Variants in ME3 observed in about 807,000 individuals in gnomAD.
The protein encoded by ME3 is malic enzyme 3.
A neutral mutation model predicts 68.9 loss-of-function variants in ME3; 48 were observed. The ratio of observed to expected loss-of-function variants is 0.70; its 90% CI spans 0.55 to 0.89. ME3 has a LOEUF of 0.89. Among genes scored for constraint, ME3 ranks in the 40% least tolerant of loss-of-function variants. The pLI is 0.00. For synonymous variants in ME3, 320 were observed against 318.8 expected (o/e 1.00, Z -0.04); for missense variants, 675 against 797.4 (o/e 0.85, Z 1.85).
exon 12 of ME3, chr11:86,447,086 C>G: frequency 6.2e-7 from 1 of 1,614,186 alleles, no homozygotes; most frequent in Non-Finnish European, 8.5e-7. Context: ...GGTAGCACTT[C>G]TCAGCCGTGC....
chr11:86,538,965 T>A (rs1955866101), intron 4 of ME3, among the ~76,000 whole-genome samples: 1 of 152,060 alleles, frequency 6.6e-6, no homozygotes, highest in African/African-American at 2.4e-5. Flanking sequence ...TGACCAGAAT[T>A]AGGTCATATA....
At chr11:86,541,828 C>T (rs954067229) in intron 4 of ME3, among the ~76,000 whole-genome samples, 1 of 152,198 alleles carries the variant, frequency 6.6e-6, no homozygotes, top group Non-Finnish European at 1.5e-5. Flanking sequence ...CAAGTGGTTC[C>T]CTGACCCCCA....
intron 4 of ME3, among the ~76,000 whole-genome samples, chr11:86,542,023 G>T (rs1350213423): frequency 1.3e-5 from 2 of 152,188 alleles, no homozygotes; most frequent in Non-Finnish European, 2.9e-5. Flanking sequence ...GGTCTGGAGT[G>T]GACCTCCAGC....
downstream of ME3, among the ~76,000 whole-genome samples, chr11:86,439,782 T>G (rs1394364557): frequency 6.6e-6 from 1 of 152,252 alleles, no homozygotes; most frequent in East Asian, 1.9e-4. Context: ...ACTATTGTTT[T>G]TCTTTTCTAC....
intron 2 of ME3, among the ~76,000 whole-genome samples, chr11:86,602,021 G>C (rs1266837190): frequency 6.7e-6 from 1 of 148,820 alleles, no homozygotes; most frequent in Admixed American, 6.8e-5. Context: ...AAAACTGGAA[G>C]CATTCCCTTT....
intron 2 of ME3, among the ~76,000 whole-genome samples, chr11:86,625,205 C>T (rs890534232): frequency 6.6e-6 from 1 of 152,048 alleles, no homozygotes; most frequent in African/African-American, 2.4e-5. Context: ...CAGTAACTAT[C>T]GTTAACAAAG....
intron 2 of ME3, among the ~76,000 whole-genome samples, chr11:86,668,882 T>C (rs1218806056): frequency 3.3e-5 from 5 of 152,166 alleles, no homozygotes; most frequent in Admixed American, 1.3e-4. Context: ...GGTGGACGAA[T>C]CTCATTACCT....
chr11:86,559,894 C>T (rs936740416), intron 2 of ME3, 71 bp from the exon 3 acceptor site: 19 of 1,520,762 alleles, frequency 1.2e-5, no homozygotes, highest in Non-Finnish European at 1.4e-5. Context: ...GAAGGGGTCC[C>T]ACCCACAGAT....
At chr11:86,448,238 G>A in exon 11 of ME3, 1 of 1,614,042 alleles carries the variant, frequency 6.2e-7, no homozygotes, top group Non-Finnish European at 8.5e-7. Flanking sequence ...CCTTTTCATG[G>A]TTCAGGTGGC....
chr11:86,479,845 C>G (rs1470640264), intron 7 of ME3, among the ~76,000 whole-genome samples: 1 of 147,922 alleles, frequency 6.8e-6, no homozygotes, highest in East Asian at 2.0e-4. Flanking sequence ...GATGGAATCT[C>G]ACTCTGTCGC....
intron 2 of ME3, among the ~76,000 whole-genome samples, chr11:86,670,077 G>T (rs933394155): frequency 6.6e-6 from 1 of 152,134 alleles, no homozygotes; most frequent in African/African-American, 2.4e-5. Context: ...TTAACTCCAG[G>T]GGTGGGCTCT....
chr11:86,529,636 A>G (rs376969176), intron 4 of ME3, among the ~76,000 whole-genome samples: 3 of 152,196 alleles, frequency 2.0e-5, no homozygotes, highest in Non-Finnish European at 4.4e-5. Context: ...GAATCCAGCA[A>G]CACATCAAAA....
In ME3 at chr11:86,633,419, C is replaced by A. The variant is rs190072172; in HGVS notation, c.183+38343G>T. Among the ~76,000 whole-genome samples the A allele has an allele frequency of 4.5e-3, 681 of 152,298 alleles. 3 individuals carry two copies. The highest frequency in any genetic ancestry group is 0.015 in the African/African-American group (629 of 41,566). ...TCCAAGGTGCCACAGTCTGGGGAGG[C>A]AAAGTCAGAATCTGAACCCAGGTAA... On this transcript the variant is annotated intron_variant, in intron 2 of 14. Transcript: ENST00000543262.
intron 5 of ME3, among the ~76,000 whole-genome samples, chr11:86,500,035 G>T (rs660372): frequency 0.28 from 41,887 of 152,068 alleles, 6,108 homozygotes; most frequent in East Asian, 0.32. Context: ...GGGGTAAAGT[G>T]CCTGTGATCT....
chr11:86,472,154 A>T (rs1037107226), intron 7 of ME3, among the ~76,000 whole-genome samples: 1 of 152,200 alleles, frequency 6.6e-6, no homozygotes, highest in African/African-American at 2.4e-5. Flanking sequence ...ATGCATGAGG[A>T]CTGAGTGAGT....
At position 86,455,714 on chromosome 11, in the gene ME3, C is replaced by T. The variant is rs78200587; in HGVS notation, c.920-5316G>A. On this transcript the variant is annotated intron_variant, in intron 8 of 14. Transcript: ENST00000543262. The stretch of plus-strand genomic sequence containing the variant: ...AAGACTGCCCAAATGATCAGCAAGA[C>T]ATTCCTTGCTACCCCAGGCATCCTT... Among the ~76,000 whole-genome samples, 1,229 of 152,272 alleles carry T rather than the reference C, an allele frequency of 8.1e-3. 18 individuals carry two copies. Among genetic ancestry groups the T allele is most frequent in the African/African-American group, 0.029 (1,187 of 41,544 alleles).
chr11:86,456,758 G>T (rs1949961817), intron 8 of ME3, among the ~76,000 whole-genome samples: 2 of 152,252 alleles, frequency 1.3e-5, no homozygotes, highest in South Asian at 4.1e-4. Context: ...TGATGGGAAA[G>T]AGTCACACAT....
chr11:86,451,236 G>A (rs569267666), intron 8 of ME3, among the ~76,000 whole-genome samples: 60 of 152,306 alleles, frequency 3.9e-4, no homozygotes, highest in African/African-American at 1.4e-3. Flanking sequence ...GGATGATCAG[G>A]GACTTGGAAA....
intron 7 of ME3, among the ~76,000 whole-genome samples, chr11:86,479,822 C>CTTTCTT (rs143860951): frequency 0.8 from 118,026 of 147,362 alleles, 47,931 homozygotes; most frequent in Non-Finnish European, 0.87. Context: ...TTTTTTCTTT[C>CTTTCTT]TTTTTTTTTT....
Sources: allele counts gnomAD v4.1 joint callset (sites outside exome capture counted in the v4.1 genomes callset), GRCh38; gene constraint gnomAD v4.1.1; transcripts MANE v1.5; gene names NCBI Gene and HGNC (gene_info 2026-07-23, HGNC 2026-07-21).